FHIP1A: variants seen among roughly 807,000 people sequenced by gnomAD.
The protein encoded by FHIP1A is FHF complex subunit HOOK-interacting protein 1A.
In FHIP1A, 61 loss-of-function variants were observed where a neutral mutation model predicts 88.6. The observed-to-expected ratio is 0.69, with a 90% CI of 0.56 to 0.85. FHIP1A has a LOEUF of 0.85. Among genes scored for constraint, FHIP1A ranks in the 40% least tolerant of loss-of-function variants. The probability of loss-of-function intolerance (pLI) is 0.00; values close to 1 mark genes in which losing one functional copy is unlikely to be tolerated. For missense variants in FHIP1A, 1,154 were observed against 1,273.5 expected (o/e 0.91, Z 1.43); for synonymous variants, 478 against 496.0 (o/e 0.96, Z 0.48).
At chr4:151,417,957 G>C (rs983493161) in intron 1 of FHIP1A, among the ~76,000 whole-genome samples, 6 of 151,916 alleles carry the variant, frequency 3.9e-5, no homozygotes, top group Non-Finnish European at 7.4e-5. Flanking sequence ...ATTGCTTGAG[G>C]CCAGAAGTTT....
At chr4:151,419,141 A>C (rs925851125) in intron 1 of FHIP1A, among the ~76,000 whole-genome samples, 2 of 152,204 alleles carry the variant, frequency 1.3e-5, no homozygotes, top group Non-Finnish European at 2.9e-5. Flanking sequence ...GATTAACATT[A>C]GAATTGGTAA....
At chr4:151,501,435 A>G (rs921714201) in intron 3 of FHIP1A, among the ~76,000 whole-genome samples, 1 of 152,140 alleles carries the variant, frequency 6.6e-6, no homozygotes, top group Non-Finnish European at 1.5e-5. Context: ...CCACATCCTC[A>G]CTAACACTTG....
At chr4:151,524,961 C>A (rs958221350) in intron 3 of FHIP1A, among the ~76,000 whole-genome samples, 1 of 152,162 alleles carries the variant, frequency 6.6e-6, no homozygotes. Flanking sequence ...GGTGCGTCAG[C>A]TCCATCTCTT....
In FHIP1A at chr4:151,586,756, T is replaced by A; in HGVS notation, c.848T>A (p.Val283Asp). 1 of 1,551,366 alleles carries A rather than the reference T, an allele frequency of 6.4e-7. No individual in the cohort carries two copies. The highest frequency in any genetic ancestry group is 8.7e-7 in the Non-Finnish European group (1 of 1,146,720). ...KDDWLLLPSL[V>D]QFMNSLEFCN... ...GACTGGCTTCTACTTCCTTCTCTTG[T>A]CCAGTTCATGAACTCCCTGGAGTTT... The change falls in exon 6 of 14, where the codon GTC (valine) becomes GAC (aspartate). Residue 283 changes from valine to aspartate, a missense_variant. By Grantham distance (152) the Val-to-Asp change is radical (BLOSUM62 -3). Coordinates refer to ENST00000435205, the MANE Select transcript of FHIP1A (RefSeq NM_001109977.3).
chr4:151,565,333 C>G (rs560587536), intron 3 of FHIP1A, among the ~76,000 whole-genome samples: 1 of 152,092 alleles, frequency 6.6e-6, no homozygotes, highest in Admixed American at 6.6e-5. Context: ...CTTTTTTCCC[C>G]TACTTGCTGT....
intron 7 of FHIP1A, among the ~76,000 whole-genome samples, chr4:151,612,347 A>G (rs145087275): frequency 2.6e-5 from 4 of 152,268 alleles, no homozygotes; most frequent in South Asian, 2.1e-4. Flanking sequence ...ATCCTGTGCA[A>G]TGCATGGGCT....
chr4:151,410,281 C>T (rs1299454606), intron 1 of FHIP1A, among the ~76,000 whole-genome samples: 2 of 152,186 alleles, frequency 1.3e-5, no homozygotes, highest in Non-Finnish European at 2.9e-5. Context: ...CCCAGCTATC[C>T]AGGGACAGGG....
At chr4:151,566,806 T>C (rs1336916966) in intron 4 of FHIP1A, among the ~76,000 whole-genome samples, 1 of 152,198 alleles carries the variant, frequency 6.6e-6, no homozygotes, top group Admixed American at 6.5e-5. Context: ...TTTAATCTTG[T>C]CCACAAACCT....
chr4:151,656,947 T>TC lies in FHIP1A; in HGVS notation c.2869+52dup. On this transcript the variant is annotated intron_variant, in intron 13 of 13. Transcript: ENST00000435205. The surrounding 1 kb of genome is among the most constrained non-coding windows in gnomAD (Gnocchi z 4.2). ...CCCCTCCTTAAATTCCTCCTCCACG[T>TC]CCCTGGCCTACTGGCCTCAGTTCAC... is the stretch of plus-strand genomic sequence containing the variant. The TC allele has an allele frequency of 4.0e-6, 6 of 1,516,136 alleles. No individual in the cohort carries two copies. Among genetic ancestry groups the TC allele is most frequent in the Non-Finnish European group, 5.3e-6 (6 of 1,126,902 alleles). The allele number at this position is 1,516,136 out of a possible 1,614,324, so 93.9% of individuals were successfully genotyped here. A position where few individuals can be genotyped will look rare whatever the true frequency, so the allele number is the denominator to read the frequency against.
intron 7 of FHIP1A, among the ~76,000 whole-genome samples, chr4:151,621,594 G>A (rs989169374): frequency 1.3e-5 from 2 of 151,528 alleles, no homozygotes; most frequent in African/African-American, 4.9e-5. Flanking sequence ...GGGGGGTTGC[G>A]TGGAATGGAA....
chr4:151,464,130 G>A (rs892660241), intron 2 of FHIP1A, among the ~76,000 whole-genome samples: 2 of 152,074 alleles, frequency 1.3e-5, no homozygotes, highest in Non-Finnish European at 2.9e-5. Context: ...GGCTCCAGCA[G>A]TCCTCCTGCC....
At chr4:151,597,704 CCTT>C (rs1734703771) in intron 7 of FHIP1A, among the ~76,000 whole-genome samples, 1 of 152,182 alleles carries the variant, frequency 6.6e-6, no homozygotes, top group East Asian at 1.9e-4. Context: ...GGGGCTGCTG[CCTT>C]TCTTTCAGAG....
intron 11 of FHIP1A, among the ~76,000 whole-genome samples, chr4:151,654,948 GGA>G (rs1314929817): frequency 3.3e-5 from 5 of 152,172 alleles, no homozygotes; most frequent in Non-Finnish European, 7.4e-5. Flanking sequence ...TAGTGTTCCT[GGA>G]GACAGGGATA....
intron 2 of FHIP1A, among the ~76,000 whole-genome samples, chr4:151,477,581 TA>T (rs58613321): frequency 0.12 from 18,858 of 151,942 alleles, 1,285 homozygotes; most frequent in African/African-American, 0.17. Flanking sequence ...TTGGGGAAAA[TA>T]TTTGCTTCTC....
intron 1 of FHIP1A, among the ~76,000 whole-genome samples, chr4:151,414,537 C>A (rs1158377888): frequency 2.0e-5 from 3 of 152,254 alleles, no homozygotes; most frequent in African/African-American, 7.2e-5. Context: ...TGCGGTTTGT[C>A]TGCAATGTTT....
At position 151,585,804 on chromosome 4, in the gene FHIP1A, A is replaced by C. The variant is rs77309132; in HGVS notation, c.733-837A>C. On this transcript the variant is annotated intron_variant, in intron 5 of 13. Transcript: ENST00000435205. Reference sequence around the variant, plus strand: ...AGGCTGTCAATTTAAATTAAGGACCAGAACACTAAGGGAGGAAGCAAGCCC... The same window carrying C: ...AGGCTGTCAATTTAAATTAAGGACCCGAACACTAAGGGAGGAAGCAAGCCC... Among the ~76,000 whole-genome samples the C allele has an allele frequency of 5.8e-3, 880 of 152,336 alleles. 5 individuals carry two copies. The highest frequency in any genetic ancestry group is 9.3e-3 in the Admixed American group (143 of 15,300).
intron 7 of FHIP1A, among the ~76,000 whole-genome samples, chr4:151,626,395 A>G (rs1560807013): frequency 6.6e-6 from 1 of 152,238 alleles, no homozygotes; most frequent in Non-Finnish European, 1.5e-5. Context: ...AGGATGGACT[A>G]AACGGGACTC....
chr4:151,486,003 A>G (rs1302185404), intron 3 of FHIP1A, among the ~76,000 whole-genome samples: 1 of 152,216 alleles, frequency 6.6e-6, no homozygotes, highest in African/African-American at 2.4e-5. Context: ...TGGCTTGAGA[A>G]TGAAACTGTT....
intron 2 of FHIP1A, among the ~76,000 whole-genome samples, chr4:151,461,835 C>G (rs1729151348): frequency 1.3e-5 from 2 of 152,294 alleles, no homozygotes; most frequent in Admixed American, 1.3e-4. Context: ...TATCCCTGAC[C>G]TGAAGGACTT....
Sources: allele counts gnomAD v4.1 joint callset (sites outside exome capture counted in the v4.1 genomes callset), GRCh38; gene constraint gnomAD v4.1.1; non-coding constraint Gnocchi (gnomAD v3.1); transcripts MANE v1.5; gene names NCBI Gene and HGNC (gene_info 2026-07-23, HGNC 2026-07-21).